Variants in CUX1 observed in about 807,000 individuals in gnomAD.
The protein encoded by CUX1 is protein CASP.
A neutral mutation model predicts 158.8 loss-of-function variants in CUX1; 31 were observed. That is an observed-to-expected ratio of 0.20 (90% CI 0.15 to 0.26). The LOEUF (loss-of-function observed/expected upper bound fraction) is 0.26. Among genes scored for constraint, CUX1 ranks in the 10% least tolerant of loss-of-function variants. The pLI is 1.00. For synonymous variants in CUX1, 879 were observed against 862.1 expected (o/e 1.02, Z -0.34); for missense variants, 1,589 against 2,014.6 (o/e 0.79, Z 4.04).
intron 1 of CUX1, among the ~76,000 whole-genome samples, chr7:101,852,829 A>C (rs1181777717): frequency 2.4e-4 from 37 of 151,614 alleles, no homozygotes; most frequent in Non-Finnish European, 2.9e-5. Flanking sequence ...GGCACATGCC[A>C]CCATGCCTGG....
intron 8 of CUX1, among the ~76,000 whole-genome samples, chr7:102,132,766 G>C (rs1258517715): frequency 2.8e-5 from 4 of 140,978 alleles, no homozygotes; most frequent in Non-Finnish European, 6.0e-5. Context: ...CCACCTCCCA[G>C]GTTCAAGCGA....
chr7:102,056,424 A>G (rs1372200253), intron 3 of CUX1, among the ~76,000 whole-genome samples: 1 of 152,192 alleles, frequency 6.6e-6, no homozygotes, highest in Admixed American at 6.5e-5. Context: ...CCATTCGGAA[A>G]AATCCTAGGG....
chr7:101,873,207 T>C (rs1798775371), intron 1 of CUX1, among the ~76,000 whole-genome samples: 1 of 150,408 alleles, frequency 6.6e-6, no homozygotes, highest in Admixed American at 6.6e-5. Flanking sequence ...TTAATTTTTA[T>C]TTTAAGTTCC....
intron 1 of CUX1, among the ~76,000 whole-genome samples, chr7:101,890,406 T>TG (rs1800751629): frequency 6.6e-6 from 1 of 151,972 alleles, no homozygotes; most frequent in Non-Finnish European, 1.5e-5. Flanking sequence ...AGAGCTCACA[T>TG]GAAGGACAGC....
chr7:101,921,914 T>G (rs1804991203), intron 2 of CUX1, among the ~76,000 whole-genome samples: 1 of 152,116 alleles, frequency 6.6e-6, no homozygotes. Context: ...GACCAGGAGT[T>G]TGAGACCATC....
chr7:102,036,418 A>T (rs530506407), intron 3 of CUX1, among the ~76,000 whole-genome samples: 3 of 152,318 alleles, frequency 2.0e-5, no homozygotes, highest in African/African-American at 7.2e-5. Context: ...AGAGAATGAG[A>T]TAAATAAACC....
chr7:101,857,448 T>A (rs1238527003), intron 1 of CUX1, among the ~76,000 whole-genome samples: 1 of 152,194 alleles, frequency 6.6e-6, no homozygotes, highest in Non-Finnish European at 1.5e-5. Context: ...TTTGGTATGA[T>A]GGGGACGGAT....
intron 1 of CUX1, among the ~76,000 whole-genome samples, chr7:101,874,732 A>G (rs2131495728): frequency 6.6e-6 from 1 of 152,324 alleles, no homozygotes; most frequent in Admixed American, 6.5e-5. Flanking sequence ...CAGATGGGGA[A>G]TCTGTTGTTG....
intron 23 of CUX1, among the ~76,000 whole-genome samples, chr7:102,247,785 C>T (rs1800976892): frequency 6.6e-6 from 1 of 152,224 alleles, no homozygotes; most frequent in South Asian, 2.1e-4. Context: ...GGCACCACTG[C>T]ACTCCAGTCT....
At chr7:101,987,981 G>T (rs1814551486) in intron 2 of CUX1, among the ~76,000 whole-genome samples, 1 of 152,242 alleles carries the variant, frequency 6.6e-6, no homozygotes, top group Admixed American at 6.5e-5. Flanking sequence ...GGAGGCCGAG[G>T]CAGGTGGATC....
In CUX1 at chr7:102,254,132, T is replaced by A; in HGVS notation, c.*5090T>A. On this transcript the variant is annotated 3_prime_UTR_variant, in exon 24 of 24. Coordinates refer to ENST00000292535, the MANE Select transcript of CUX1 (RefSeq NM_181552.4). ...AGCTGTGCTCTGCAAGGCACACGGA[T>A]GTTTCCCTTCCACCTGTTCCCAAAG... 1 of 985,398 alleles carries A rather than the reference T, an allele frequency of 1.0e-6. No homozygotes were observed. The highest frequency in any genetic ancestry group is 1.2e-6 in the Non-Finnish European group (1 of 829,940). The allele number at this position is 985,398 out of a possible 1,614,324, so 61.0% of individuals were successfully genotyped here.
intron 8 of CUX1, among the ~76,000 whole-genome samples, chr7:102,136,485 A>G (rs11764371): frequency 1.3e-5 from 2 of 151,782 alleles, no homozygotes. Context: ...TCCACCTCCC[A>G]GGTTCAAGCA....
rs942627088 is a variant in CUX1 at position 102,256,551 on chromosome 7, G to A, written c.*7509G>A. The A allele has an allele frequency of 1.0e-6, 1 of 985,430 alleles. No homozygotes were observed. The highest frequency in any genetic ancestry group is 1.7e-5 in the African/African-American group (1 of 57,368). The allele number at this position is 985,430 out of a possible 1,614,324, so 61.0% of individuals were successfully genotyped here. On this transcript the variant is annotated 3_prime_UTR_variant, in exon 24 of 24. Transcript: ENST00000292535. ...CAGCAAAATCAAACACCTGTCTCCAGAGTAGCCACTCAAAAACTGGTGGTC... is the reference window on the plus strand; with the variant it reads ...CAGCAAAATCAAACACCTGTCTCCAAAGTAGCCACTCAAAAACTGGTGGTC...
At chr7:102,268,940 CT>C (rs34870289) in intron 14 of CUX1, among the ~76,000 whole-genome samples, 74 of 143,214 alleles carry the variant, frequency 5.2e-4, no homozygotes, top group Admixed American at 9.7e-4. Flanking sequence ...GGATTAATTA[CT>C]TTTTTTTTTT....
At chr7:102,118,754 G>T (rs1388805425) in intron 8 of CUX1, among the ~76,000 whole-genome samples, 2 of 152,052 alleles carry the variant, frequency 1.3e-5, no homozygotes, top group Admixed American at 6.6e-5. Context: ...TGTTGTTGTT[G>T]TTGTTGTTTT....
chr7:102,266,437 TCAGGCTGAAATTCAGACC>T (rs1790819739), intron 14 of CUX1, among the ~76,000 whole-genome samples: 1 of 151,640 alleles, frequency 6.6e-6, no homozygotes, highest in African/African-American at 2.4e-5. Flanking sequence ...GAGGAAGGGA[TCAGGCTGAAATTCAGACC>T]TGTGAAGGTT....
intron 1 of CUX1, among the ~76,000 whole-genome samples, chr7:101,867,674 G>A (rs1798073447): frequency 6.6e-6 from 1 of 152,202 alleles, no homozygotes; most frequent in South Asian, 2.1e-4. Flanking sequence ...GTACCTCCCG[G>A]TAAGCAACCT....
At chr7:102,236,590 T>C (rs1799592087) in intron 22 of CUX1, among the ~76,000 whole-genome samples, 1 of 152,178 alleles carries the variant, frequency 6.6e-6, no homozygotes, top group Admixed American at 6.5e-5. Context: ...CAATGTCTTA[T>C]TATGGGAAAT....
At chr7:102,177,314 T>C (rs1472015544) in intron 10 of CUX1, among the ~76,000 whole-genome samples, 1 of 150,498 alleles carries the variant, frequency 6.6e-6, no homozygotes, top group East Asian at 2.0e-4. Context: ...CTTAGGAGGC[T>C]GAGGCAGGAG....
Sources: allele counts gnomAD v4.1 joint callset (sites outside exome capture counted in the v4.1 genomes callset), GRCh38; gene constraint gnomAD v4.1.1; transcripts MANE v1.5; gene names NCBI Gene and HGNC (gene_info 2026-07-23, HGNC 2026-07-21).